LDB2: variants seen among roughly 807,000 people sequenced by gnomAD.
The protein encoded by LDB2 is LIM domain-binding protein 2.
LDB2 carries 12 observed loss-of-function variants against 44.3 expected under a neutral mutation model. That is an observed-to-expected ratio of 0.27 (90% CI 0.17 to 0.44). LDB2 has a LOEUF of 0.44. Ranked by LOEUF, LDB2 falls within the 20% of genes least tolerant of loss-of-function variation. LDB2 has a pLI of 1.00. For missense variants in LDB2, 344 were observed against 473.5 expected, an observed-to-expected ratio of 0.73 and a Z score of 2.54; for synonymous variants, 164 against 174.8, an observed-to-expected ratio of 0.94 and a Z score of 0.49.
chr4:16,715,480 C>G (rs1209389069), intron 2 of LDB2, among the ~76,000 whole-genome samples: 1 of 152,146 alleles, frequency 6.6e-6, no homozygotes, highest in African/African-American at 2.4e-5. Context: ...TGACTCTTCT[C>G]TATATTAGAC....
chr4:16,886,043 C>A (rs1561540131), intron 1 of LDB2, among the ~76,000 whole-genome samples: 1 of 151,984 alleles, frequency 6.6e-6, no homozygotes, highest in Non-Finnish European at 1.5e-5. Context: ...AAGAGAAATT[C>A]TATCTCTACA....
At chr4:16,763,118 C>T (rs1051942952) in intron 1 of LDB2, among the ~76,000 whole-genome samples, 8 of 119,630 alleles carry the variant, frequency 6.7e-5, no homozygotes, top group South Asian at 3.0e-4. Flanking sequence ...CACACACACA[C>T]GTAATTGGTT....
At chr4:16,755,475 GTGTGTGT>G (rs1561113165) in intron 2 of LDB2, among the ~76,000 whole-genome samples, 13 of 15,484 alleles carry the variant, frequency 8.4e-4, no homozygotes, top group Non-Finnish European at 1.5e-3. Context: ...GGAATAGGGT[GTGTGTGT>G]GTGTGTGTGT....
intron 2 of LDB2, among the ~76,000 whole-genome samples, chr4:16,652,099 C>T (rs918692741): frequency 4.6e-5 from 7 of 151,958 alleles, no homozygotes; most frequent in African/African-American, 9.7e-5. Flanking sequence ...TACAGAGATG[C>T]GCCACCACAC....
At chr4:16,523,248 A>T (rs1404314565) in intron 5 of LDB2, among the ~76,000 whole-genome samples, 2 of 151,944 alleles carry the variant, frequency 1.3e-5, no homozygotes, top group African/African-American at 2.4e-5. Context: ...TATATATACC[A>T]TTTTTTTTAA....
intron 2 of LDB2, among the ~76,000 whole-genome samples, chr4:16,653,004 C>A (rs1738738047): frequency 6.6e-6 from 1 of 152,104 alleles, no homozygotes. Context: ...TAATTTATGC[C>A]ACTTTGTGGA....
chr4:16,840,530 G>A (rs547280758), intron 1 of LDB2, among the ~76,000 whole-genome samples: 2 of 152,116 alleles, frequency 1.3e-5, no homozygotes, highest in African/African-American at 2.4e-5. Flanking sequence ...TCCACTGTGC[G>A]GCTTTAATAG....
chr4:16,697,792 T>G (rs1339119585), intron 2 of LDB2, among the ~76,000 whole-genome samples: 1 of 152,204 alleles, frequency 6.6e-6, no homozygotes, highest in Non-Finnish European at 1.5e-5. Context: ...TCTGATCAAG[T>G]TGACACTCCA....
intron 2 of LDB2, among the ~76,000 whole-genome samples, chr4:16,662,175 C>A (rs1741781279): frequency 6.6e-6 from 1 of 152,122 alleles, no homozygotes; most frequent in South Asian, 2.1e-4. Context: ...CGACTCATGC[C>A]ATTCCTCACC....
intron 2 of LDB2, among the ~76,000 whole-genome samples, chr4:16,610,733 G>C (rs1388339966): frequency 6.6e-6 from 1 of 151,966 alleles, no homozygotes; most frequent in African/African-American, 2.4e-5. Context: ...CCGAACCTAC[G>C]ATTGACTGGA....
At chr4:16,611,542 A>AG (rs1725624832) in intron 2 of LDB2, among the ~76,000 whole-genome samples, 1 of 151,536 alleles carries the variant, frequency 6.6e-6, no homozygotes, top group Non-Finnish European at 1.5e-5. Flanking sequence ...ATGGAAAGAA[A>AG]AAAAAAAAGC....
chr4:16,503,038 A>G (rs779947412), intron 7 of LDB2, 165 bp from the exon 8 acceptor site: 3 of 1,549,038 alleles, frequency 1.9e-6, no homozygotes, highest in Admixed American at 3.9e-5. Flanking sequence ...TGATTTCTAC[A>G]GGAAATAAAC....
intron 2 of LDB2, among the ~76,000 whole-genome samples, chr4:16,608,596 C>T (rs1724630254): frequency 6.6e-6 from 1 of 152,164 alleles, no homozygotes; most frequent in African/African-American, 2.4e-5. Context: ...GACCTAGGTG[C>T]CAATGCTTAC....
intron 2 of LDB2, among the ~76,000 whole-genome samples, chr4:16,666,156 A>C (rs1743130086): frequency 6.6e-6 from 1 of 152,210 alleles, no homozygotes. Context: ...AAACTACCCC[A>C]TAGAAACCTA....
intron 2 of LDB2, among the ~76,000 whole-genome samples, chr4:16,746,996 A>G (rs954656479): frequency 6.6e-6 from 1 of 152,196 alleles, no homozygotes. Flanking sequence ...CTGCAGCAGG[A>G]CCTCAAGAAT....
chr4:16,575,795 C>T (rs1013221182), intron 5 of LDB2, among the ~76,000 whole-genome samples: 2 of 152,292 alleles, frequency 1.3e-5, no homozygotes, highest in African/African-American at 4.8e-5. Flanking sequence ...TGGAATGCAG[C>T]GGCACAATCT....
chr4:16,602,497 C>T (rs2152452802), intron 2 of LDB2, among the ~76,000 whole-genome samples: 1 of 152,280 alleles, frequency 6.6e-6, no homozygotes, highest in Middle Eastern at 3.4e-3. Flanking sequence ...CAGAAAGAGG[C>T]AGGGTCAGAT....
At chr4:16,581,011 C>T (rs1231228512) in intron 5 of LDB2, among the ~76,000 whole-genome samples, 6 of 152,126 alleles carry the variant, frequency 3.9e-5, no homozygotes, top group African/African-American at 1.4e-4. Context: ...ATGGCAATTT[C>T]AAACTGAGTT....
At chr4:16,571,123 G>A (rs1038519915) in intron 5 of LDB2, among the ~76,000 whole-genome samples, 4 of 152,342 alleles carry the variant, frequency 2.6e-5, no homozygotes, top group Middle Eastern at 3.4e-3. Context: ...GATCCCGTAA[G>A]GTCTTGCAGG....
Sources: gnomAD v4.1 joint callset for allele counts (sites outside exome capture counted in the v4.1 genomes callset) on GRCh38, gnomAD v4.1.1 for gene constraint, MANE v1.5 for transcripts, NCBI Gene and HGNC (gene_info 2026-07-23, HGNC 2026-07-21) for gene names.